The following DRC8 variants were observed in gnomAD, a reference collection of about 807,000 sequenced individuals.
The protein encoded by DRC8 is dynein regulatory complex protein 8.
At chr1:245,003,069 C>T in the DRC8 span, among the ~76,000 whole-genome samples, 10 of 152,178 alleles carry the variant, frequency 6.6e-5, no homozygotes, top group Non-Finnish European at 1.0e-4. Context: ...TGACTTATTT[C>T]ACTTAGTATA....
chr1:245,029,984 G>A, the DRC8 span, among the ~76,000 whole-genome samples: 1 of 152,178 alleles, frequency 6.6e-6, no homozygotes, highest in Non-Finnish European at 1.5e-5. Context: ...GAGGATTGGT[G>A]GTTTCAGAGA....
At chr1:245,048,819 C>CTTCT in the DRC8 span, among the ~76,000 whole-genome samples, 1,735 of 151,852 alleles carry the variant, frequency 0.011, 32 homozygotes, top group African/African-American at 0.036. Context: ...CACTGTGGAT[C>CTTCT]TTCTTTCTTT....
chr1:244,971,438 T>C, the DRC8 span, among the ~76,000 whole-genome samples: 1 of 152,228 alleles, frequency 6.6e-6, no homozygotes, highest in East Asian at 1.9e-4. Context: ...TACGTTTATT[T>C]GCAAGACCGT....
chr1:245,015,965 CTTTTTTTTTTT>C, the DRC8 span, among the ~76,000 whole-genome samples: 2 of 57,190 alleles, frequency 3.5e-5, no homozygotes, highest in African/African-American at 1.3e-4. Flanking sequence ...GCCTACAGGG[CTTTTTTTTTTT>C]TTTTTTTTTT....
At chr1:245,046,496 G>C in the DRC8 span, among the ~76,000 whole-genome samples, 3 of 152,134 alleles carry the variant, frequency 2.0e-5, no homozygotes, top group Admixed American at 6.5e-5. Flanking sequence ...AGCTCCATCC[G>C]GATACCATCT....
At chr1:245,096,993 A>G in the DRC8 span, among the ~76,000 whole-genome samples, 1 of 152,188 alleles carries the variant, frequency 6.6e-6, no homozygotes, top group African/African-American at 2.4e-5. Flanking sequence ...TGTCATTACA[A>G]AGTGTTCAGT....
At chr1:245,021,331 A>T in the DRC8 span, among the ~76,000 whole-genome samples, 1 of 152,106 alleles carries the variant, frequency 6.6e-6, no homozygotes, top group Non-Finnish European at 1.5e-5. Context: ...GAGAACCACT[A>T]TTGTGAGTGG....
the DRC8 span, among the ~76,000 whole-genome samples, chr1:245,084,694 G>T: frequency 2.0e-5 from 3 of 152,112 alleles, no homozygotes; most frequent in African/African-American, 7.2e-5. Context: ...GAGCTCTCTG[G>T]TTCACAGACT....
At chr1:245,033,957 A>G in the DRC8 span, among the ~76,000 whole-genome samples, 1 of 151,712 alleles carries the variant, frequency 6.6e-6, no homozygotes, top group Non-Finnish European at 1.5e-5. Flanking sequence ...CTGACCTCAA[A>G]TGACCCACCT....
chr1:244,983,641 G>A, the DRC8 span, among the ~76,000 whole-genome samples: 8,293 of 151,310 alleles, frequency 0.055, 721 homozygotes, highest in African/African-American at 0.19. Context: ...TCGGGAGGCC[G>A]AGGCAGGAGA....
At chr1:245,007,227 A>G in the DRC8 span, among the ~76,000 whole-genome samples, 2 of 152,180 alleles carry the variant, frequency 1.3e-5, no homozygotes, top group Non-Finnish European at 2.9e-5. Flanking sequence ...TGGTCTCTTC[A>G]ACAAGCTAAT....
At chr1:245,084,067 C>CA in the DRC8 span, among the ~76,000 whole-genome samples, 2 of 118,124 alleles carry the variant, frequency 1.7e-5, no homozygotes, top group African/African-American at 6.3e-5. Context: ...ATTCCGCCCC[C>CA]CCCCCGGCGC....
At chr1:245,109,003 A>G in the DRC8 span, among the ~76,000 whole-genome samples, 1 of 152,184 alleles carries the variant, frequency 6.6e-6, no homozygotes, top group Non-Finnish European at 1.5e-5. Flanking sequence ...GGAGGAAACA[A>G]TAGTATGTGA....
chr1:244,977,953 A>C, the DRC8 span, among the ~76,000 whole-genome samples: 1 of 152,168 alleles, frequency 6.6e-6, no homozygotes, highest in Non-Finnish European at 1.5e-5. Context: ...GGAGCCCAGG[A>C]GATGATGATG....
chr1:245,026,652 T>C, the DRC8 span, among the ~76,000 whole-genome samples: 1 of 152,330 alleles, frequency 6.6e-6, no homozygotes, highest in South Asian at 2.1e-4. Context: ...AAATGAATTG[T>C]AAAAACAGGT....
the DRC8 span, among the ~76,000 whole-genome samples, chr1:244,977,748 A>C: frequency 1.3e-5 from 2 of 152,220 alleles, no homozygotes; most frequent in African/African-American, 4.8e-5. Context: ...ATCCTTAGAA[A>C]TATATTCTGA....
the DRC8 span, among the ~76,000 whole-genome samples, chr1:245,054,218 C>G: frequency 3.3e-5 from 5 of 151,978 alleles, no homozygotes; most frequent in Non-Finnish European, 7.4e-5. Flanking sequence ...GCTGGAGTGC[C>G]AAGTCAGTGT....
At chr1:245,065,198 G>A in the DRC8 span, among the ~76,000 whole-genome samples, 12 of 149,428 alleles carry the variant, frequency 8.0e-5, no homozygotes, top group East Asian at 1.0e-3. Context: ...AATTACAGGC[G>A]CATGCCATCA....
the DRC8 span, among the ~76,000 whole-genome samples, chr1:244,994,748 C>T: frequency 6.6e-6 from 1 of 152,056 alleles, no homozygotes; most frequent in African/African-American, 2.4e-5. Flanking sequence ...CTTTTTAAAC[C>T]CTGTTGTTTG....
Sources: gnomAD v4.1 joint callset for allele counts (sites outside exome capture counted in the v4.1 genomes callset) on GRCh38, gnomAD v4.1.1 for gene constraint, MANE v1.5 for transcripts, NCBI Gene and HGNC (gene_info 2026-07-23, HGNC 2026-07-21) for gene names.